Variants in OR51G2 observed in about 807,000 individuals in gnomAD.
The protein encoded by OR51G2 is olfactory receptor family 51 subfamily G member 2.
OR51G2 carries 13 observed loss-of-function variants against 11.8 expected under a neutral mutation model. That is an observed-to-expected ratio of 1.10 (90% CI 0.72 to 1.76). OR51G2 has a LOEUF of 1.76. Among genes scored for constraint, OR51G2 ranks in the 40% most tolerant of loss-of-function variants. The probability of loss-of-function intolerance (pLI) is 0.00; values close to 1 mark genes in which losing one functional copy is unlikely to be tolerated. For missense variants in OR51G2, 474 were observed against 394.4 expected (o/e 1.20, Z -1.71); for synonymous variants, 178 against 151.9 (o/e 1.17, Z -1.26).
Position 4,915,151 on chromosome 11 carries a change from G to A in OR51G2, c.513C>T (p.Phe171=), listed in dbSNP as rs757807105. The change falls in exon 2 of 2, where the codon TTC becomes TTT. Residue 171 remains phenylalanine, a synonymous_variant. Transcript: ENST00000641926. ...AGAGAACTGGGGAGCCACAATAGGG[G>A]AATCTTTTGAGCATAAAAGGTAATG... is the stretch of plus-strand genomic sequence containing the variant. ...IFPLPFMLKR[F]PYCGSPVLSH... The A allele has an allele frequency of 2.5e-6, 4 of 1,613,948 alleles. No individual in the cohort carries two copies. The African/African-American group carries it at 5.3e-5, about 22-fold the overall frequency.
chr11:4,915,940 C>T (rs142312606), intron 1 of OR51G2, among the ~76,000 whole-genome samples: 39 of 152,140 alleles, frequency 2.6e-4, no homozygotes, highest in African/African-American at 5.3e-4. Context: ...CTAAATGAGC[C>T]GCTCCACCCT....
In OR51G2 at chr11:4,915,168, A is replaced by T. The variant is rs1157020867; in HGVS notation, c.496T>A (p.Phe166Ile). ...CAATAGGGGAATCTTTTGAGCATAA[A>T]AGGTAATGGAAAAATGAGTGCTACA... is the stretch of plus-strand genomic sequence containing the variant. ...RSVALIFPLPFMLKRFPYCGS... is the reference protein window; with the variant it reads ...RSVALIFPLPIMLKRFPYCGS... The change falls in exon 2 of 2, where the codon TTT becomes ATT. Residue 166 changes from phenylalanine to isoleucine, a missense_variant. Phe to Ile is a conservative substitution (Grantham distance 21). Coordinates refer to ENST00000641926, the MANE Select transcript of OR51G2 (RefSeq NM_001005238.2). The T allele has an allele frequency of 6.2e-7, 1 of 1,614,014 alleles. No individual in the cohort carries two copies. The highest frequency in any genetic ancestry group is 8.5e-7 in the Non-Finnish European group (1 of 1,180,018).
At chr11:4,917,436 G>T (rs888943016) in intron 1 of OR51G2, among the ~76,000 whole-genome samples, 20 of 152,298 alleles carry the variant, frequency 1.3e-4, no homozygotes, top group African/African-American at 4.3e-4. Context: ...GGCAGAGCTA[G>T]CTCAACAGGC....
Position 4,913,322 on chromosome 11 carries a change from A to C in OR51G2, c.*1397T>G, listed in dbSNP as rs900703221. ...GATTGCCTTGGAAGAGACCAACCTC[A>C]GGTGAGAACTGGTCCACATACACTT... On this transcript the variant is annotated 3_prime_UTR_variant, in exon 2 of 2. Coordinates refer to ENST00000641926, the MANE Select transcript of OR51G2 (RefSeq NM_001005238.2). The C allele has an allele frequency of 2.0e-5, 3 of 152,214 alleles. No homozygotes were observed. The highest frequency in any genetic ancestry group is 1.5e-5 in the Non-Finnish European group (1 of 68,048). The allele number at this position is 152,214 out of a possible 1,614,324, so 9.4% of individuals were successfully genotyped here.
intron 1 of OR51G2, among the ~76,000 whole-genome samples, chr11:4,917,074 G>T (rs1359905959): frequency 6.6e-6 from 1 of 152,102 alleles, no homozygotes; most frequent in Non-Finnish European, 1.5e-5. Flanking sequence ...GCTCAAAGAG[G>T]GTAGGGGCTT....
rs1851144973 is a variant in OR51G2, at chr11:4,919,202, C to G, written c.-102G>C. On this transcript the variant is annotated 5_prime_UTR_variant, in exon 1 of 2. Coordinates refer to ENST00000641926, the MANE Select transcript of OR51G2 (RefSeq NM_001005238.2). ...CATCCTTAGCAGGTGCTCTCTGCAG[C>G]CTTTTGGTAGACAAAGTCCCTTCTA... 6.6e-6 allele frequency: 1 copy of G among 152,244 alleles called. No homozygotes were observed. The highest frequency in any genetic ancestry group is 2.1e-4 in the South Asian group (1 of 4,828). The allele number at this position is 152,244 out of a possible 1,614,324, so 9.4% of individuals were successfully genotyped here.
Position 4,915,309 on chromosome 11 carries a change from C to T in OR51G2, c.355G>A (p.Val119Met). 6.2e-7 allele frequency: 1 copy of T among 1,613,918 alleles called. No individual in the cohort carries two copies. The highest frequency in any genetic ancestry group is 8.5e-7 in the Non-Finnish European group (1 of 1,179,988). ...CGGTCAAAGGCCATAGACAGTAGCA[C>T]AGAGGACTCGAGGAAGGAGAAGCAG... ...IHCFSFLESS[V>M]LLSMAFDRFV... is the part of the protein sequence containing the mutation. Residue 119 changes from valine (V) to methionine (M), a missense_variant, in exon 2 of 2, where the codon GTG (valine) becomes ATG (methionine). Val to Met is a conservative substitution (Grantham distance 21). Coordinates refer to ENST00000641926, the MANE Select transcript of OR51G2 (RefSeq NM_001005238.2).
rs762079505 is a variant in OR51G2, at chr11:4,915,679, G to A, written c.-16C>T. 1.9e-6 allele frequency: 3 copies of A among 1,582,268 alleles called. No homozygotes were observed. The highest frequency in any genetic ancestry group is 4.5e-5 in the East Asian group (2 of 44,512). On this transcript the variant is annotated 5_prime_UTR_variant, in exon 2 of 2. Coordinates refer to ENST00000641926, the MANE Select transcript of OR51G2 (RefSeq NM_001005238.2). ...CCAGGGTCATTGTGTGAGGAGACAAGGGGGAAGGTGGGTGCCCTCCAAAAT... is the reference window on the plus strand; with the variant it reads ...CCAGGGTCATTGTGTGAGGAGACAAAGGGGAAGGTGGGTGCCCTCCAAAAT...
At chr11:4,918,953 T>C (rs1393401420) in intron 1 of OR51G2, among the ~76,000 whole-genome samples, 1 of 152,250 alleles carries the variant, frequency 6.6e-6, no homozygotes, top group African/African-American at 2.4e-5. Context: ...TGACCTTTAA[T>C]AACCGAGCTC....
intron 1 of OR51G2, among the ~76,000 whole-genome samples, chr11:4,917,335 A>G (rs1851111860): frequency 6.6e-6 from 1 of 152,182 alleles, no homozygotes; most frequent in African/African-American, 2.4e-5. Context: ...CAAAAATAGG[A>G]TTTGAACGAA....
rs145892529 is a variant in OR51G2 at position 4,914,745 on chromosome 11, G to C, written c.919C>G (p.Arg307Gly). ...YSVKTKQIRD[R>G]VTHAFCY is the part of the protein sequence containing the mutation. ...TAGTAACAAAAGGCATGCGTCACTC[G>C]ATCCCGGATCTGTTTGGTCTTCACA... Residue 307 changes from arginine (R) to glycine (G), a missense_variant, in exon 2 of 2, where the codon CGA becomes GGA. By Grantham distance (125) the Arg-to-Gly change is moderately radical. Coordinates refer to ENST00000641926, the MANE Select transcript of OR51G2 (RefSeq NM_001005238.2). The C allele has an allele frequency of 1.2e-6, 2 of 1,612,274 alleles. No homozygotes were observed. Among genetic ancestry groups the C allele is most frequent in the Non-Finnish European group, 1.7e-6 (2 of 1,178,688 alleles).
chr11:4,915,026 C>A lies in OR51G2; in HGVS notation c.638G>T (p.Gly213Val), dbSNP rs762927555. 1 of 1,614,074 alleles carries A rather than the reference C, an allele frequency of 6.2e-7. No individual in the cohort carries two copies. Among genetic ancestry groups the A allele is most frequent in the Admixed American group, 1.7e-5 (1 of 60,012 alleles). ...YGMFVIVSTV[G>V]IDSLLILFSY... ...GAAGAGGATGAGCAGTGAGTCTATA[C>A]CCACTGTAGAGACGATGACAAACAT... The change falls in exon 2 of 2, where the codon GGT becomes GTT. Residue 213 changes from glycine (G) to valine (V), a missense_variant. Transcript: ENST00000641926.
chr11:4,918,552 C>G (rs941932125), intron 1 of OR51G2, among the ~76,000 whole-genome samples: 1 of 152,084 alleles, frequency 6.6e-6, no homozygotes, highest in Admixed American at 6.6e-5. Flanking sequence ...TTAGCCAGTT[C>G]GCCAGAGAGT....
rs932652045 is a variant in OR51G2 at position 4,915,382 on chromosome 11, T to C, written c.282A>G (p.Ala94=). The stretch of plus-strand genomic sequence containing the variant: ...AGCAGGCATCATGGCTAATTTCTCG[T>C]GCTCCAACCCAAAAGATGCCCAGGA... ...PTVLGIFWVG[A]REISHDACFA... is the part of the protein sequence containing the mutation. Residue 94 remains alanine, a synonymous_variant, in exon 2 of 2, where the codon GCA becomes GCG. Coordinates refer to ENST00000641926, the MANE Select transcript of OR51G2 (RefSeq NM_001005238.2). The C allele has an allele frequency of 3.7e-6, 6 of 1,613,906 alleles. No individual in the cohort carries two copies. The highest frequency in any genetic ancestry group is 5.1e-6 in the Non-Finnish European group (6 of 1,180,014).
rs1419244256 is a variant in OR51G2, at chr11:4,914,495, G to A, written c.*224C>T. The A allele has an allele frequency of 2.0e-6, 1 of 501,288 alleles. No individual in the cohort carries two copies. Among genetic ancestry groups the A allele is most frequent in the African/African-American group, 1.9e-5 (1 of 52,312 alleles). 31.1% of individuals were successfully genotyped at this position (501,288 alleles called of 1,614,324 possible). On this transcript the variant is annotated 3_prime_UTR_variant, in exon 2 of 2. Coordinates refer to ENST00000641926, the MANE Select transcript of OR51G2 (RefSeq NM_001005238.2). Reference sequence around the variant, plus strand: ...AAGAGCATGTGGGTTTAGAATTATTGCTGTGGCTATTTTTAGAAAATAAAA... The same window carrying A: ...AAGAGCATGTGGGTTTAGAATTATTACTGTGGCTATTTTTAGAAAATAAAA...
chr11:4,912,931 C>T lies in OR51G2; in HGVS notation c.*1788G>A, dbSNP rs1167628526. 1 of 150,670 alleles carries T rather than the reference C, an allele frequency of 6.6e-6. No homozygotes were observed. The highest frequency in any genetic ancestry group is 1.5e-5 in the Non-Finnish European group (1 of 67,880). The allele number at this position is 150,670 out of a possible 1,614,324, so 9.3% of individuals were successfully genotyped here. On this transcript the variant is annotated 3_prime_UTR_variant, in exon 2 of 2. Coordinates refer to ENST00000641926, the MANE Select transcript of OR51G2 (RefSeq NM_001005238.2). ...TGTCTAGCCTGGAATGTTAAACATA[C>T]TCTTTCAAATTGGAAAAGAAAAAAA...
chr11:4,915,914 G>A (rs1157491524), intron 1 of OR51G2, among the ~76,000 whole-genome samples, 175 bp from the exon 2 acceptor site: 1 of 152,150 alleles, frequency 6.6e-6, no homozygotes, highest in Non-Finnish European at 1.5e-5. Context: ...GAGCCAAACT[G>A]GGTGAGTTGG....
In OR51G2 at chr11:4,912,815, A is replaced by G. The variant is rs965347413; in HGVS notation, c.*1904T>C. The stretch of plus-strand genomic sequence containing the variant: ...AATGTAAAAAACTATAGAATGCTAG[A>G]GAAGACCTTTTCCCACTCCACTGTT... On this transcript the variant is annotated 3_prime_UTR_variant, in exon 2 of 2. Coordinates refer to ENST00000641926, the MANE Select transcript of OR51G2 (RefSeq NM_001005238.2). 6.6e-6 allele frequency: 1 copy of G among 152,154 alleles called. No individual in the cohort carries two copies. The highest frequency in any genetic ancestry group is 2.4e-5 in the African/African-American group (1 of 41,450). 9.4% of individuals were successfully genotyped at this position (152,154 alleles called of 1,614,324 possible). A position where few individuals can be genotyped will look rare whatever the true frequency, so the allele number is the denominator to read the frequency against.
chr11:4,913,018 T>G lies in OR51G2; in HGVS notation c.*1701A>C, dbSNP rs1400755226. On this transcript the variant is annotated 3_prime_UTR_variant, in exon 2 of 2. Coordinates refer to ENST00000641926, the MANE Select transcript of OR51G2 (RefSeq NM_001005238.2). ...AAGTCAGCCTTAGTGTGGAAAATGTTGTAGTCCTCTTAAATTTATTTGCTT... is the reference window on the plus strand; with the variant it reads ...AAGTCAGCCTTAGTGTGGAAAATGTGGTAGTCCTCTTAAATTTATTTGCTT... 2 of 152,168 alleles carry G rather than the reference T, an allele frequency of 1.3e-5. No homozygotes were observed. Among genetic ancestry groups the G allele is most frequent in the Non-Finnish European group, 2.9e-5 (2 of 68,030 alleles). The allele number at this position is 152,168 out of a possible 1,614,324, so 9.4% of individuals were successfully genotyped here. A position where few individuals can be genotyped will look rare whatever the true frequency, so the allele number is the denominator to read the frequency against.
Sources: allele counts gnomAD v4.1 joint callset (sites outside exome capture counted in the v4.1 genomes callset), GRCh38; gene constraint gnomAD v4.1.1; transcripts MANE v1.5; gene names NCBI Gene and HGNC (gene_info 2026-07-23, HGNC 2026-07-21).